KCND2: variants seen among roughly 807,000 people sequenced by gnomAD.
The protein encoded by KCND2 is potassium voltage-gated channel subfamily D member 2, also known as A-type voltage-gated potassium channel KCND2.
Under a neutral mutation model 54.4 loss-of-function variants are expected in KCND2, and 16 were observed. The observed-to-expected ratio is 0.29, with a 90% CI of 0.20 to 0.45. The LOEUF (loss-of-function observed/expected upper bound fraction) is 0.45, where lower values mean the gene tolerates loss of function less well. Among genes scored for constraint, KCND2 ranks in the 20% least tolerant of loss-of-function variants. KCND2 has a pLI of 1.00. For synonymous variants in KCND2, 317 were observed against 310.7 expected, an observed-to-expected ratio of 1.02 and a Z score of -0.21; for missense variants, 486 against 824.2, an observed-to-expected ratio of 0.59 and a Z score of 5.02.
chr7:120,472,570 C>T (rs867499042), intron 1 of KCND2, among the ~76,000 whole-genome samples: 48 of 152,136 alleles, frequency 3.2e-4, no homozygotes, highest in African/African-American at 1.1e-3. Context: ...AATACACACA[C>T]ACACACACAC....
chr7:120,699,642 G>T (rs960034502), intron 1 of KCND2, among the ~76,000 whole-genome samples: 1 of 152,158 alleles, frequency 6.6e-6, no homozygotes, highest in African/African-American at 2.4e-5. Flanking sequence ...AATCTTAAAG[G>T]ATGAATGAAT....
At chr7:120,367,255 T>C (rs184146039) in intron 1 of KCND2, among the ~76,000 whole-genome samples, 61 of 152,244 alleles carry the variant, frequency 4.0e-4, no homozygotes, top group African/African-American at 1.4e-3. Flanking sequence ...CTAATTATTT[T>C]CTGTGGTTTT....
Position 120,488,891 on chromosome 7 carries a change from T to G in KCND2, c.1115+213144T>G, listed in dbSNP as rs1239208110. The stretch of plus-strand genomic sequence containing the variant: ...AACTACATTATATTGTCTAGACTTT[T>G]GAAAAAATAAACTCATATTCAATGA... On this transcript the variant is annotated intron_variant, in intron 1 of 5. Coordinates refer to ENST00000331113, the MANE Select transcript of KCND2 (RefSeq NM_012281.3). 2.0e-5 allele frequency among the ~76,000 whole-genome samples: 3 copies of G among 152,110 alleles called. No homozygotes were observed. In the East Asian group the frequency reaches 5.8e-4, roughly 29 times the overall value.
At position 120,273,453 on chromosome 7, in the gene KCND2, G is replaced by T. The variant is rs540781151; in HGVS notation, c.-1180G>T. ...CGCCCCGCAGCCCCGCACCGCGCTGGCCAGGCTCCCGCGACAGTGGCCCCG... is the reference window on the plus strand; with the variant it reads ...CGCCCCGCAGCCCCGCACCGCGCTGTCCAGGCTCCCGCGACAGTGGCCCCG... On this transcript the variant is annotated 5_prime_UTR_variant, in exon 1 of 6. Coordinates refer to ENST00000331113, the MANE Select transcript of KCND2 (RefSeq NM_012281.3). Among the ~76,000 whole-genome samples, 14 of 149,844 alleles carry T rather than the reference G, an allele frequency of 9.3e-5. No individual in the cohort carries two copies. The highest frequency in any genetic ancestry group is 3.1e-4 in the African/African-American group (13 of 41,288).
intron 1 of KCND2, among the ~76,000 whole-genome samples, chr7:120,685,676 C>A (rs1792193465): frequency 6.6e-6 from 1 of 152,098 alleles, no homozygotes; most frequent in South Asian, 2.1e-4. Flanking sequence ...TACTCCACAG[C>A]CTTACTTGAA....
At chr7:120,597,765 T>A (rs1792763899) in intron 1 of KCND2, among the ~76,000 whole-genome samples, 2 of 152,138 alleles carry the variant, frequency 1.3e-5, no homozygotes. Context: ...TTCTCTTTGT[T>A]TTAAATTGTA....
intron 1 of KCND2, among the ~76,000 whole-genome samples, chr7:120,588,798 C>T (rs1253562541): frequency 1.3e-5 from 2 of 152,254 alleles, no homozygotes; most frequent in Admixed American, 1.3e-4. Flanking sequence ...ATTCCATTGC[C>T]TAATGTATAT....
At chr7:120,460,856 G>T (rs1286804210) in intron 1 of KCND2, among the ~76,000 whole-genome samples, 1 of 152,094 alleles carries the variant, frequency 6.6e-6, no homozygotes, top group African/African-American at 2.4e-5. Context: ...GCACACTTCT[G>T]TACAAATTCA....
At chr7:120,673,528 C>T (rs1250903020) in intron 1 of KCND2, among the ~76,000 whole-genome samples, 1 of 152,074 alleles carries the variant, frequency 6.6e-6, no homozygotes, top group Admixed American at 6.5e-5. Flanking sequence ...AAGTCATGTT[C>T]GTGCTGCAAA....
intron 1 of KCND2, among the ~76,000 whole-genome samples, chr7:120,536,013 A>T (rs1791902140): frequency 6.6e-6 from 1 of 152,152 alleles, no homozygotes; most frequent in South Asian, 2.1e-4. Context: ...GCCACTAGTT[A>T]AGCTAGTCAT....
intron 1 of KCND2, among the ~76,000 whole-genome samples, chr7:120,360,650 A>G (rs12706279): frequency 0.69 from 105,090 of 151,888 alleles, 39,557 homozygotes; most frequent in South Asian, 0.9. Context: ...GGGACAGAGC[A>G]AAGTTGTATT....
At chr7:120,358,624 C>T (rs962130827) in intron 1 of KCND2, among the ~76,000 whole-genome samples, 5 of 152,156 alleles carry the variant, frequency 3.3e-5, no homozygotes, top group African/African-American at 1.2e-4. Flanking sequence ...CCTAAGTCTA[C>T]CCTGATGCAC....
Position 120,367,279 on chromosome 7 carries a change from A to G in KCND2, c.1115+91532A>G, listed in dbSNP as rs563133591. 1.5e-4 allele frequency among the ~76,000 whole-genome samples: 23 copies of G among 152,274 alleles called. No homozygotes were observed. In the South Asian group the frequency reaches 4.8e-3, roughly 32 times the overall value. On this transcript the variant is annotated intron_variant, in intron 1 of 5. Transcript: ENST00000331113. The stretch of plus-strand genomic sequence containing the variant: ...TTCTGTGGTTTTAAGAGAAGCAGTT[A>G]TGAAGCGAAGCAAAATGATCTATGT...
At chr7:120,460,692 G>A (rs888050544) in intron 1 of KCND2, among the ~76,000 whole-genome samples, 1 of 151,792 alleles carries the variant, frequency 6.6e-6, no homozygotes, top group African/African-American at 2.4e-5. Context: ...TGAAGGTATC[G>A]GAGGCACCTC....
At chr7:120,320,336 G>A (rs1281964569) in intron 1 of KCND2, among the ~76,000 whole-genome samples, 2 of 152,136 alleles carry the variant, frequency 1.3e-5, no homozygotes, top group Non-Finnish European at 2.9e-5. Flanking sequence ...TAGTATAATG[G>A]ATGTGACCCT....
At chr7:120,466,510 C>CAGCCTTTCTTGCA (rs1002676883) in intron 1 of KCND2, among the ~76,000 whole-genome samples, 12 of 152,072 alleles carry the variant, frequency 7.9e-5, no homozygotes, top group African/African-American at 2.9e-4. Flanking sequence ...TCCTGGATCC[C>CAGCCTTTCTTGCA]AGCCTTTCTT....
intron 1 of KCND2, among the ~76,000 whole-genome samples, chr7:120,642,138 C>T (rs575831725): frequency 4.6e-5 from 7 of 152,164 alleles, no homozygotes; most frequent in South Asian, 2.1e-4. Context: ...TCTTTTGACT[C>T]TTTTCTATTT....
intron 1 of KCND2, among the ~76,000 whole-genome samples, chr7:120,469,045 G>C (rs1015550235): frequency 1.3e-5 from 2 of 151,934 alleles, no homozygotes; most frequent in African/African-American, 4.8e-5. Flanking sequence ...ACACAACACA[G>C]TACCTCTCAT....
At chr7:120,735,588 C>A (rs1000798085) in intron 2 of KCND2, among the ~76,000 whole-genome samples, 1 of 151,894 alleles carries the variant, frequency 6.6e-6, no homozygotes, top group Non-Finnish European at 1.5e-5. Context: ...ATTTTAGAAG[C>A]CTTTTGGTCT....
Sources: allele counts gnomAD v4.1 joint callset (sites outside exome capture counted in the v4.1 genomes callset), GRCh38; gene constraint gnomAD v4.1.1; transcripts MANE v1.5; gene names NCBI Gene and HGNC (gene_info 2026-07-23, HGNC 2026-07-21).